The following COPZ1 variants were observed in gnomAD, a reference collection of about 807,000 sequenced individuals.
COPZ1 encodes coat protein complex I subunit zeta 1.
A neutral mutation model predicts 31.7 loss-of-function variants in COPZ1; 4 were observed. The observed-to-expected ratio is 0.13, with a 90% CI of 0.06 to 0.29. The LOEUF is 0.29. COPZ1 is among the 10% of genes least tolerant of loss of function. COPZ1 has a pLI of 1.00. For missense variants in COPZ1, 156 were observed against 211.5 expected (o/e 0.74, Z 1.63); for synonymous variants, 74 against 79.0 (o/e 0.94, Z 0.33).
In COPZ1 at chr12:54,345,538, T is replaced by TC. The variant is rs539093587; in HGVS notation, c.317+27dup. The TC allele has an allele frequency of 2.4e-5, 38 of 1,588,734 alleles. No individual in the cohort carries two copies. The South Asian group carries it at 3.2e-4, about 13-fold the overall frequency. On this transcript the variant is annotated intron_variant, in intron 5 of 8. Coordinates refer to ENST00000262061, the MANE Select transcript of COPZ1 (RefSeq NM_016057.3). ...GAGGTGAGCAGGACATTCTTTTTTT[T>TC]CCCCTCAAGTTATGATGGAAAGAGC...
At chr12:54,334,331 G>T (rs188596556) in intron 1 of COPZ1, among the ~76,000 whole-genome samples, 3 of 152,118 alleles carry the variant, frequency 2.0e-5, no homozygotes, top group African/African-American at 4.8e-5. Context: ...TGAGGCAGGA[G>T]AATTGCTGGA....
chr12:54,331,471 G>A (rs1244530760), intron 1 of COPZ1, among the ~76,000 whole-genome samples: 1 of 152,032 alleles, frequency 6.6e-6, no homozygotes, highest in Non-Finnish European at 1.5e-5. Context: ...GAGCCACTGC[G>A]CCCGGCCTAT....
At chr12:54,330,111 T>C (rs964360705) in intron 1 of COPZ1, among the ~76,000 whole-genome samples, 2 of 152,250 alleles carry the variant, frequency 1.3e-5, no homozygotes, top group African/African-American at 2.4e-5. Flanking sequence ...ATCTCCTCAT[T>C]CCTGCGCTGT....
At position 54,340,571 on chromosome 12, in the gene COPZ1, G is replaced by A; in HGVS notation, c.43G>A (p.Ala15Thr). The change falls in exon 2 of 9, where the codon GCC (alanine) becomes ACC (threonine). Residue 15 changes from alanine to threonine, a missense_variant. Coordinates refer to ENST00000262061, the MANE Select transcript of COPZ1 (RefSeq NM_016057.3). ...GGAACCTTCCCTGTATACTGTCAAA[G>A]CCATCCTGATTCTGGACAATGATGG... is the stretch of plus-strand genomic sequence containing the variant. Reference protein sequence around the residue: ...ILEPSLYTVKAILILDNDGDR... With the variant: ...ILEPSLYTVKTILILDNDGDR... 6.2e-7 allele frequency: 1 copy of A among 1,614,072 alleles called. No homozygotes were observed. The highest frequency in any genetic ancestry group is 1.3e-5 in the African/African-American group (1 of 75,026).
chr12:54,346,587 A>C (rs1178791642), intron 5 of COPZ1: 1 of 699,546 alleles, frequency 1.4e-6, no homozygotes, highest in Non-Finnish European at 2.6e-6. Flanking sequence ...TTTGACTTCT[A>C]GTCCTTGTTT....
At chr12:54,339,257 TAAAAAAA>T in intron 1 of COPZ1, among the ~76,000 whole-genome samples, 1 of 120,224 alleles carries the variant, frequency 8.3e-6, no homozygotes, top group South Asian at 2.7e-4. Context: ...CCTTTTCTCT[TAAAAAAA>T]AAAAAAAAAA....
At chr12:54,340,250 C>T in intron 1 of COPZ1, 1 of 457,826 alleles carries the variant, frequency 2.2e-6, no homozygotes, top group South Asian at 4.4e-5. Context: ...ATAACTGTAC[C>T]ATAATATTTG....
In COPZ1 at chr12:54,351,342, G is replaced by T. The variant is rs1205699703; in HGVS notation, c.*819G>T. On this transcript the variant is annotated 3_prime_UTR_variant, in exon 9 of 9. Coordinates refer to ENST00000262061, the MANE Select transcript of COPZ1 (RefSeq NM_016057.3). ...TAAAACTCCATTCTAGTCTTGGGAA[G>T]AAAAGTTTCTACTCAGAACTGGGGA... is the stretch of plus-strand genomic sequence containing the variant. The T allele has an allele frequency of 2.0e-5, 3 of 152,170 alleles. No homozygotes were observed. The highest frequency in any genetic ancestry group is 7.2e-5 in the African/African-American group (3 of 41,424). 9.4% of individuals were successfully genotyped at this position (152,170 alleles called of 1,614,324 possible).
At chr12:54,335,746 A>C (rs1048796011) in intron 1 of COPZ1, among the ~76,000 whole-genome samples, 1 of 151,432 alleles carries the variant, frequency 6.6e-6, no homozygotes, top group Non-Finnish European at 1.5e-5. Context: ...ATTGTAGCTC[A>C]CTACAGCCTT....
intron 3 of COPZ1, 175 bp downstream of exon 3, chr12:54,342,462 C>T (rs1049234431): frequency 2.0e-4 from 116 of 592,118 alleles, no homozygotes; most frequent in Middle Eastern, 1.8e-3. Flanking sequence ...GTACCTCACG[C>T]GGGAATACCA....
intron 1 of COPZ1, among the ~76,000 whole-genome samples, chr12:54,336,197 A>G (rs543608664): frequency 1.3e-5 from 2 of 152,266 alleles, no homozygotes; most frequent in South Asian, 4.1e-4. Context: ...AACAGACTTA[A>G]TTCACTTATT....
intron 1 of COPZ1, among the ~76,000 whole-genome samples, chr12:54,336,378 A>G (rs1404274207): frequency 2.6e-5 from 4 of 151,884 alleles, no homozygotes; most frequent in Admixed American, 2.6e-4. Flanking sequence ...CATCCCTACT[A>G]AAAATACAAA....
chr12:54,343,099 C>G (rs866644522), intron 3 of COPZ1, 126 bp from the exon 4 acceptor site: 1 of 748,342 alleles, frequency 1.3e-6, no homozygotes, highest in Non-Finnish European at 2.4e-6. Context: ...TTAGGTGATC[C>G]GCCAGGCTCG....
chr12:54,340,445 C>T, intron 1 of COPZ1, 102 bp from the exon 2 acceptor site: 1 of 1,541,128 alleles, frequency 6.5e-7, no homozygotes, highest in East Asian at 2.3e-5. Context: ...ACAGAGGTAC[C>T]TCTGTATCCC....
Position 54,343,336 on chromosome 12 carries a change from T to G in COPZ1, c.261+20T>G, listed in dbSNP as rs753563171. ...AATGAGGTGAGAATCCCCACCCCTC[T>G]TTGCTATTTCTGATCCTACTTTCTA... is the stretch of plus-strand genomic sequence containing the variant. On this transcript the variant is annotated intron_variant, in intron 4 of 8. Coordinates refer to ENST00000262061, the MANE Select transcript of COPZ1 (RefSeq NM_016057.3). 1.3e-6 allele frequency: 2 copies of G among 1,588,986 alleles called. No homozygotes were observed. Among genetic ancestry groups the G allele is most frequent in the Admixed American group, 3.3e-5 (2 of 59,974 alleles).
chr12:54,345,753 T>C (rs1267239676), intron 5 of COPZ1, among the ~76,000 whole-genome samples: 2 of 151,844 alleles, frequency 1.3e-5, no homozygotes, highest in Non-Finnish European at 2.9e-5. Context: ...GTCAGGAGAT[T>C]GAGACCATCC....
chr12:54,343,734 A>G (rs1422179398), intron 4 of COPZ1, among the ~76,000 whole-genome samples: 1 of 152,194 alleles, frequency 6.6e-6, no homozygotes, highest in African/African-American at 2.4e-5. Flanking sequence ...GACCTTGGGT[A>G]TAGTCCTAAC....
chr12:54,325,245 C>T, intron 1 of COPZ1, 64 bp downstream of exon 1: 2 of 1,527,164 alleles, frequency 1.3e-6, no homozygotes, highest in South Asian at 1.2e-5. Flanking sequence ...CAGGGTTCAG[C>T]CCGAGTGGGA....
intron 1 of COPZ1, chr12:54,325,809 ATTC>A (rs1415457905): frequency 2.1e-5 from 3 of 144,148 alleles, no homozygotes; most frequent in African/African-American, 5.1e-5. Flanking sequence ...GACCTTAGGA[ATTC>A]TTTTTTTTTT....
Sources: gnomAD v4.1 joint callset for allele counts (sites outside exome capture counted in the v4.1 genomes callset) on GRCh38, gnomAD v4.1.1 for gene constraint, MANE v1.5 for transcripts, NCBI Gene and HGNC (gene_info 2026-07-23, HGNC 2026-07-21) for gene names.